The following COG6 variants were observed in gnomAD, a reference collection of about 807,000 sequenced individuals.
The protein encoded by COG6 is component of oligomeric golgi complex 6, also known as conserved oligomeric Golgi complex subunit 6.
A neutral mutation model predicts 88.8 loss-of-function variants in COG6; 74 were observed. The observed-to-expected ratio is 0.83, with a 90% confidence interval of 0.69 to 1.01. The LOEUF (loss-of-function observed/expected upper bound fraction) is 1.01, where lower values mean the gene tolerates loss of function less well. Ranked by LOEUF, COG6 falls within the 50% of genes least tolerant of loss-of-function variation. The probability of loss-of-function intolerance (pLI) is 0.00; values close to 1 mark genes in which losing one functional copy is unlikely to be tolerated. For missense variants in COG6, 800 were observed against 797.9 expected (o/e 1.00, Z -0.03); for synonymous variants, 286 against 278.7 (o/e 1.03, Z -0.26).
chr13:39,729,823 C>A (rs1879338676), intron 18 of COG6, among the ~76,000 whole-genome samples: 1 of 152,010 alleles, frequency 6.6e-6, no homozygotes, highest in African/African-American at 2.4e-5. Context: ...CACAAAATTT[C>A]AAAATTATAC....
chr13:39,694,786 A>T (rs927690218), intron 12 of COG6, 61 bp downstream of exon 12: 8 of 924,552 alleles, frequency 8.7e-6, no homozygotes, highest in African/African-American at 3.3e-5. Flanking sequence ...CAGTTAGAGC[A>T]CAGTATAAGA....
At chr13:39,776,738 G>A (rs1371287877) in intron 18 of COG6, among the ~76,000 whole-genome samples, 3 of 152,194 alleles carry the variant, frequency 2.0e-5, no homozygotes, top group African/African-American at 7.2e-5. Flanking sequence ...AGTGACTCAG[G>A]TTATAGGGAA....
At chr13:39,775,910 C>A (rs560037591) in intron 18 of COG6, among the ~76,000 whole-genome samples, 4 of 152,116 alleles carry the variant, frequency 2.6e-5, no homozygotes, top group South Asian at 2.1e-4. Context: ...GCTGGGATTA[C>A]AGGCATGTGC....
chr13:39,696,661 C>T (rs964870747), intron 12 of COG6, among the ~76,000 whole-genome samples: 2 of 151,436 alleles, frequency 1.3e-5, no homozygotes, highest in African/African-American at 4.8e-5. Flanking sequence ...GAGAGGCCAG[C>T]TCACACAGGA....
intron 5 of COG6, chr13:39,678,129 C>T (rs1196554704): frequency 3.7e-5 from 16 of 430,946 alleles, no homozygotes; most frequent in Middle Eastern, 6.6e-4. Context: ...TGCAGTAGCA[C>T]GAACACAGCT....
chr13:39,753,447 G>A (rs891824039), downstream of COG6, among the ~76,000 whole-genome samples: 4 of 152,188 alleles, frequency 2.6e-5, no homozygotes, highest in Admixed American at 6.5e-5. Context: ...AACTAAGACA[G>A]ACATTCAATA....
At chr13:39,699,669 G>C in intron 13 of COG6, 51 bp downstream of exon 13, 1 of 887,722 alleles carries the variant, frequency 1.1e-6, no homozygotes, top group South Asian at 1.3e-5. Context: ...TCACATTAAA[G>C]ATGTTTTAGT....
chr13:39,783,195 A>G lies in COG6; in HGVS notation c.1827-5140A>G, dbSNP rs572168909. 4.6e-5 allele frequency among the ~76,000 whole-genome samples: 7 copies of G among 152,342 alleles called. No homozygotes were observed. In the South Asian group the frequency reaches 1.5e-3, roughly 32 times the overall value. ...GAGGTCTTACATATTTTCAAATAAC[A>G]AATAATAATTCATTCTCTTTATTCC... On this transcript the variant is annotated intron_variant, in intron 18 of 18. Transcript: ENST00000416691.
intron 18 of COG6, among the ~76,000 whole-genome samples, chr13:39,779,069 C>A (rs1054379237): frequency 6.6e-6 from 1 of 152,148 alleles, no homozygotes; most frequent in Non-Finnish European, 1.5e-5. Context: ...AAAAAATTTG[C>A]ATGCTACTGT....
intron 13 of COG6, among the ~76,000 whole-genome samples, chr13:39,700,013 T>A (rs1178525997): frequency 6.6e-6 from 1 of 151,884 alleles, no homozygotes; most frequent in Non-Finnish European, 1.5e-5. Flanking sequence ...AGTTTTGTCC[T>A]TATGAAATGT....
chr13:39,774,156 G>A (rs927604847), intron 18 of COG6, among the ~76,000 whole-genome samples: 3 of 152,094 alleles, frequency 2.0e-5, no homozygotes, highest in Non-Finnish European at 2.9e-5. Context: ...CATAGCTGCC[G>A]AAGGAAACCT....
At position 39,703,791 on chromosome 13, in the gene COG6, G is replaced by T. The variant is rs147080790; in HGVS notation, c.1284+4173G>T. 7.2e-5 allele frequency among the ~76,000 whole-genome samples: 11 copies of T among 151,936 alleles called. 1 individual carries two copies. The East Asian group carries it at 1.9e-3, about 27-fold the overall frequency. ...TAAGCAACAGGGTCTTACTGTTGTTGCCCAGGATCGTAGCTCACTGCAGCC... is the reference window on the plus strand; with the variant it reads ...TAAGCAACAGGGTCTTACTGTTGTTTCCCAGGATCGTAGCTCACTGCAGCC... On this transcript the variant is annotated intron_variant, in intron 13 of 18. Transcript: ENST00000455146.
At chr13:39,785,736 C>G (rs1044732810) in intron 18 of COG6, among the ~76,000 whole-genome samples, 1 of 152,166 alleles carries the variant, frequency 6.6e-6, no homozygotes, top group African/African-American at 2.4e-5. Context: ...GAGACCTCAG[C>G]TGGAAGATTA....
intron 10 of COG6, among the ~76,000 whole-genome samples, chr13:39,688,172 C>T (rs1372885485): frequency 6.6e-6 from 1 of 152,194 alleles, no homozygotes; most frequent in Non-Finnish European, 1.5e-5. Flanking sequence ...TGTAAACAGG[C>T]TGAGTGACTT....
chr13:39,671,570 T>G (rs4556673), intron 4 of COG6, among the ~76,000 whole-genome samples: 109,019 of 151,102 alleles, frequency 0.72, 39,585 homozygotes, highest in Admixed American at 0.81. Context: ...TTTGTCATTT[T>G]AGGTTCCCTG....
At chr13:39,774,741 A>T (rs1442399048) in intron 18 of COG6, among the ~76,000 whole-genome samples, 10 of 151,828 alleles carry the variant, frequency 6.6e-5, no homozygotes, top group Non-Finnish European at 1.0e-4. Context: ...TGCCCAGGTA[A>T]TTTTTGTATT....
intron 8 of COG6, among the ~76,000 whole-genome samples, chr13:39,686,715 A>G (rs1411318586): frequency 2.0e-5 from 3 of 152,098 alleles, no homozygotes; most frequent in Admixed American, 6.5e-5. Context: ...AAAAATGTCA[A>G]TTTTGGGATT....
chr13:39,698,319 T>C (rs139937569), intron 12 of COG6, among the ~76,000 whole-genome samples: 1 of 152,074 alleles, frequency 6.6e-6, no homozygotes, highest in Non-Finnish European at 1.5e-5. Context: ...TTTCATTGCA[T>C]GTGCAGGCAT....
Position 39,752,442 on chromosome 13 carries a change from C to A in COG6, c.*1349C>A. ...TATAAATCTGTATTTTTAGTTTTTT[C>A]CCTTTGATTAGTATGTGTTACATAT... On this transcript the variant is annotated 3_prime_UTR_variant, in exon 19 of 19. Transcript: ENST00000455146. 3 of 1,059,252 alleles carry A rather than the reference C, an allele frequency of 2.8e-6. No individual in the cohort carries two copies. Among genetic ancestry groups the A allele is most frequent in the Non-Finnish European group, 3.7e-6 (3 of 804,810 alleles). The allele number at this position is 1,059,252 out of a possible 1,614,324, so 65.6% of individuals were successfully genotyped here. A position where few individuals can be genotyped will look rare whatever the true frequency, so the allele number is the denominator to read the frequency against.
Sources: gnomAD v4.1 joint callset for allele counts (sites outside exome capture counted in the v4.1 genomes callset) on GRCh38, gnomAD v4.1.1 for gene constraint, MANE v1.5 for transcripts, NCBI Gene and HGNC (gene_info 2026-07-23, HGNC 2026-07-21) for gene names.